ROBO2: variants seen among roughly 807,000 people sequenced by gnomAD.
ROBO2 encodes the protein roundabout guidance receptor 2.
Under a neutral mutation model 160.8 loss-of-function variants are expected in ROBO2, and 53 were observed. The ratio of observed to expected loss-of-function variants is 0.33; its 90% confidence interval spans 0.26 to 0.41. The LOEUF (loss-of-function observed/expected upper bound fraction) is 0.41, where lower values mean the gene tolerates loss of function less well. Among genes scored for constraint, ROBO2 ranks in the 10% least tolerant of loss-of-function variants. The pLI is 1.00. For synonymous variants in ROBO2, 664 were observed against 611.7 expected (o/e 1.09, Z -1.26); for missense variants, 1,577 against 1,722.4 (o/e 0.92, Z 1.49).
chr3:77,512,337 A>G (rs2089496676), intron 5 of ROBO2, among the ~76,000 whole-genome samples: 1 of 151,984 alleles, frequency 6.6e-6, no homozygotes, highest in Non-Finnish European at 1.5e-5. Context: ...AGAAAAATTG[A>G]GCAACTTTTC....
At chr3:76,795,178 T>A (rs2063608577) in intron 2 of ROBO2, among the ~76,000 whole-genome samples, 1 of 152,104 alleles carries the variant, frequency 6.6e-6, no homozygotes, top group African/African-American at 2.4e-5. Flanking sequence ...GTCTTTTCAC[T>A]GGTTGAAGGT....
At chr3:77,099,422 A>T (rs1014230946) in intron 2 of ROBO2, among the ~76,000 whole-genome samples, 4 of 152,186 alleles carry the variant, frequency 2.6e-5, no homozygotes, top group Admixed American at 6.5e-5. Flanking sequence ...CTGGAAATGT[A>T]TAACTCCAAT....
At chr3:76,716,826 G>A (rs1034674236) in intron 2 of ROBO2, among the ~76,000 whole-genome samples, 2 of 152,120 alleles carry the variant, frequency 1.3e-5, no homozygotes, top group South Asian at 4.1e-4. Context: ...ATGGCCAGTG[G>A]CAAGCTCTGC....
intron 2 of ROBO2, among the ~76,000 whole-genome samples, chr3:76,357,381 A>G (rs1191544775): frequency 6.6e-6 from 1 of 152,000 alleles, no homozygotes; most frequent in Non-Finnish European, 1.5e-5. Context: ...GAAGTGAGTT[A>G]CTGGAACATG....
At chr3:76,021,714 C>A (rs72890375) in intron 2 of ROBO2, among the ~76,000 whole-genome samples, 1 of 151,710 alleles carries the variant, frequency 6.6e-6, no homozygotes, top group African/African-American at 2.4e-5. Context: ...TTTTAATATA[C>A]GTTATTGCTA....
chr3:77,330,085 T>C (rs1256929671), intron 2 of ROBO2, among the ~76,000 whole-genome samples: 2 of 152,184 alleles, frequency 1.3e-5, no homozygotes, highest in Non-Finnish European at 2.9e-5. Flanking sequence ...TCCTCTACCC[T>C]AAAGTCCAAA....
intron 2 of ROBO2, among the ~76,000 whole-genome samples, chr3:76,914,059 G>C (rs1268925865): frequency 6.6e-6 from 1 of 152,128 alleles, no homozygotes; most frequent in Non-Finnish European, 1.5e-5. Context: ...AAACAAATTG[G>C]AATTCAGTTG....
chr3:77,376,324 T>A (rs1345608380), intron 2 of ROBO2, among the ~76,000 whole-genome samples: 1 of 151,678 alleles, frequency 6.6e-6, no homozygotes, highest in Non-Finnish European at 1.5e-5. Context: ...CTGGCTAATT[T>A]TTTTTGTATT....
At chr3:76,545,893 ATTT>A (rs2083071404) in intron 2 of ROBO2, among the ~76,000 whole-genome samples, 1 of 151,796 alleles carries the variant, frequency 6.6e-6, no homozygotes, top group Admixed American at 6.6e-5. Context: ...GCAATATTCT[ATTT>A]ATTACGAAAA....
chr3:77,097,491 A>G (rs2071244987), intron 1 of ROBO2, among the ~76,000 whole-genome samples: 2 of 152,072 alleles, frequency 1.3e-5, no homozygotes, highest in Admixed American at 1.3e-4. Context: ...TGCCTCATCT[A>G]CATTTCTGGG....
Position 77,345,842 on chromosome 3 carries a change from A to T in ROBO2, c.389-131572A>T, listed in dbSNP as rs186721869. Among the ~76,000 whole-genome samples the T allele has an allele frequency of 2.5e-3, 386 of 152,254 alleles. 1 individual carries two copies. Among genetic ancestry groups the T allele is most frequent in the African/African-American group, 8.9e-3 (368 of 41,568 alleles). On this transcript the variant is annotated intron_variant, in intron 2 of 25. Transcript: ENST00000461745. ...ATTACTGTAATAATCTTTTAAACCC[A>T]TTAACAGTCAATTTGCTCTGTGATA... is the stretch of plus-strand genomic sequence containing the variant.
At chr3:77,421,574 G>T (rs1053486733) in intron 2 of ROBO2, among the ~76,000 whole-genome samples, 1 of 152,064 alleles carries the variant, frequency 6.6e-6, no homozygotes, top group Admixed American at 6.6e-5. Flanking sequence ...AATAATTTCA[G>T]GAAAATTCTT....
intron 2 of ROBO2, among the ~76,000 whole-genome samples, chr3:76,754,648 C>A (rs962112181): frequency 1.3e-5 from 2 of 151,762 alleles, no homozygotes; most frequent in Non-Finnish European, 2.9e-5. Flanking sequence ...TAGGACTATC[C>A]AAGTGCTGGA....
chr3:76,937,278 CA>C (rs2077768673), intron 2 of ROBO2, among the ~76,000 whole-genome samples: 1 of 152,108 alleles, frequency 6.6e-6, no homozygotes, highest in African/African-American at 2.4e-5. Flanking sequence ...AGATCTGTGG[CA>C]TGCTATGCTA....
At chr3:77,027,740 G>T (rs2063060022) in intron 2 of ROBO2, among the ~76,000 whole-genome samples, 1 of 152,110 alleles carries the variant, frequency 6.6e-6, no homozygotes, top group Admixed American at 6.5e-5. Flanking sequence ...CCAAGCACCT[G>T]TACTGCTCTC....
chr3:76,485,650 A>G lies in ROBO2; in HGVS notation c.109+548048A>G, dbSNP rs956777425. Among the ~76,000 whole-genome samples the G allele has an allele frequency of 5.9e-5, 9 of 152,258 alleles. No homozygotes were observed. The East Asian group carries it at 1.7e-3, about 29-fold the overall frequency. On this transcript the variant is annotated intron_variant, in intron 2 of 26. Transcript: ENST00000487694. ...ACCTGTTTTTTTCAGAGCAAAGGCT[A>G]TACATCTCTGCCTTTTTCTAAAATG...
chr3:77,168,419 A>G (rs947970828), intron 2 of ROBO2, among the ~76,000 whole-genome samples: 25 of 152,302 alleles, frequency 1.6e-4, no homozygotes, highest in African/African-American at 6.0e-4. Context: ...ATATTTGTCA[A>G]GTTATTCTTT....
chr3:76,498,768 C>T (rs762619952), intron 2 of ROBO2, among the ~76,000 whole-genome samples: 7 of 150,992 alleles, frequency 4.6e-5, no homozygotes, highest in African/African-American at 7.3e-5. Context: ...CTGCCACTTC[C>T]GCCTCCAGGA....
chr3:77,294,686 G>C (rs573567708), intron 2 of ROBO2, among the ~76,000 whole-genome samples: 6 of 145,966 alleles, frequency 4.1e-5, no homozygotes, highest in Middle Eastern at 3.7e-3. Flanking sequence ...TGGTTAAACG[G>C]GTAAGCTGAG....
Sources: allele counts gnomAD v4.1 joint callset (sites outside exome capture counted in the v4.1 genomes callset), GRCh38; gene constraint gnomAD v4.1.1; transcripts MANE v1.5; gene names NCBI Gene and HGNC (gene_info 2026-07-23, HGNC 2026-07-21).